Variants in RERG observed in about 807,000 individuals in gnomAD.
The protein encoded by RERG is ras-related and estrogen-regulated growth inhibitor.
A neutral mutation model predicts 23.2 loss-of-function variants in RERG; 25 were observed. The ratio of observed to expected loss-of-function variants is 1.08; its 90% CI spans 0.79 to 1.50. The LOEUF is 1.50. Among genes scored for constraint, RERG ranks in the 40% most tolerant of loss-of-function variants. The pLI is 0.00. For synonymous variants in RERG, 81 were observed against 89.1 expected, an observed-to-expected ratio of 0.91 and a Z score of 0.51; for missense variants, 253 against 250.1, an observed-to-expected ratio of 1.01 and a Z score of -0.08.
intron 2 of RERG, among the ~76,000 whole-genome samples, chr12:15,176,124 T>G (rs953927750): frequency 6.6e-6 from 1 of 152,240 alleles, no homozygotes; most frequent in East Asian, 1.9e-4. Context: ...ATTATAGAGG[T>G]AGAGGTCCTC....
intron 2 of RERG, among the ~76,000 whole-genome samples, chr12:15,191,903 C>A (rs1421497488): frequency 6.6e-6 from 1 of 152,152 alleles, no homozygotes; most frequent in African/African-American, 2.4e-5. Context: ...AGCCACAAAT[C>A]CCTAAGGCTA....
At chr12:15,179,369 C>G (rs944838804) in intron 2 of RERG, among the ~76,000 whole-genome samples, 1 of 152,214 alleles carries the variant, frequency 6.6e-6, no homozygotes, top group African/African-American at 2.4e-5. Context: ...AAACCCAGGG[C>G]TCTGCACTGC....
intron 2 of RERG, chr12:15,155,114 T>C (rs1195723559): frequency 2.0e-5 from 3 of 151,864 alleles, no homozygotes; most frequent in African/African-American, 7.3e-5. Context: ...AACAAGCAAT[T>C]AAAAAAAGGA....
intron 2 of RERG, among the ~76,000 whole-genome samples, chr12:15,184,540 A>G (rs1230649489): frequency 6.6e-6 from 1 of 152,180 alleles, no homozygotes; most frequent in African/African-American, 2.4e-5. Context: ...CTTACACTAC[A>G]TGATCAGGAT....
intron 2 of RERG, among the ~76,000 whole-genome samples, chr12:15,162,571 A>G (rs1241366152): frequency 6.6e-6 from 1 of 152,234 alleles, no homozygotes; most frequent in Non-Finnish European, 1.5e-5. Context: ...ATTGGTCAAA[A>G]CATAAATGGT....
At chr12:15,215,381 A>G (rs775019988) in intron 2 of RERG, among the ~76,000 whole-genome samples, 18 of 152,168 alleles carry the variant, frequency 1.2e-4, no homozygotes, top group Admixed American at 5.2e-4. Context: ...AAACCCATGA[A>G]AACAGCTAGT....
At chr12:15,126,726 T>C (rs1863951203) in intron 2 of RERG, among the ~76,000 whole-genome samples, 1 of 143,992 alleles carries the variant, frequency 6.9e-6, no homozygotes, top group Non-Finnish European at 1.5e-5. Context: ...TTTTCTTTCT[T>C]TTTTTTTTTT....
chr12:15,196,969 A>G (rs186521200), intron 2 of RERG, among the ~76,000 whole-genome samples: 23 of 152,248 alleles, frequency 1.5e-4, no homozygotes, highest in African/African-American at 5.5e-4. Context: ...CTATTCAATC[A>G]CAGGTCCTGG....
intron 2 of RERG, among the ~76,000 whole-genome samples, chr12:15,138,620 A>G (rs991784525): frequency 1.3e-5 from 2 of 151,922 alleles, no homozygotes; most frequent in Admixed American, 1.3e-4. Context: ...TCCAGTAGAG[A>G]CTTTGGCATA....
At chr12:15,216,206 G>A (rs1865438663) in intron 2 of RERG, among the ~76,000 whole-genome samples, 1 of 152,198 alleles carries the variant, frequency 6.6e-6, no homozygotes, top group South Asian at 2.1e-4. Flanking sequence ...GAAACACTGA[G>A]GAGATTAACA....
intron 2 of RERG, among the ~76,000 whole-genome samples, chr12:15,178,043 C>A (rs1864876453): frequency 6.6e-6 from 1 of 151,944 alleles, no homozygotes. Flanking sequence ...TAGATTGAAA[C>A]CCTTCCCTGG....
chr12:15,107,899 A>G lies in RERG; in HGVS notation c.*1211T>C, dbSNP rs761180423. The G allele has an allele frequency of 1.4e-4, 22 of 152,620 alleles. 1 individual carries two copies. Among genetic ancestry groups the G allele is most frequent in the Admixed American group, 9.2e-4 (14 of 15,282 alleles). The allele number at this position is 152,620 out of a possible 1,614,324, so 9.5% of individuals were successfully genotyped here. A position where few individuals can be genotyped will look rare whatever the true frequency, so the allele number is the denominator to read the frequency against. On this transcript the variant is annotated 3_prime_UTR_variant, in exon 5 of 5. Coordinates refer to ENST00000256953, the MANE Select transcript of RERG (RefSeq NM_032918.3). ...CGCTAACGCTTACAAATTTTTATAC[A>G]TATATCTATGCATTTATAAATACAT... is the stretch of plus-strand genomic sequence containing the variant.
intron 2 of RERG, among the ~76,000 whole-genome samples, chr12:15,133,146 GATATATATATATATAT>G (rs376565973): frequency 0.01 from 1,268 of 125,224 alleles, 58 homozygotes; most frequent in African/African-American, 0.039. Flanking sequence ...ATCCTGTGGA[GATATATATATATATAT>G]ATATATATAT....
At chr12:15,220,401 GTAT>G (rs1865497113) in intron 1 of RERG, among the ~76,000 whole-genome samples, 1 of 152,056 alleles carries the variant, frequency 6.6e-6, no homozygotes, top group Non-Finnish European at 1.5e-5. Context: ...CTAAAATCCT[GTAT>G]TATTAGTGAT....
chr12:15,187,239 T>G (rs1019024023), intron 2 of RERG, among the ~76,000 whole-genome samples: 2 of 152,092 alleles, frequency 1.3e-5, no homozygotes, highest in African/African-American at 4.8e-5. Context: ...GGCACAATGC[T>G]GAATACTAGT....
At chr12:15,161,193 A>T (rs973572984) in intron 2 of RERG, among the ~76,000 whole-genome samples, 4 of 150,448 alleles carry the variant, frequency 2.7e-5, no homozygotes, top group African/African-American at 9.8e-5. Context: ...AAAGAAAGAA[A>T]GAAAGAAAGA....
intron 2 of RERG, among the ~76,000 whole-genome samples, chr12:15,173,328 T>C (rs979007568): frequency 3.3e-5 from 5 of 152,008 alleles, no homozygotes; most frequent in African/African-American, 1.2e-4. Flanking sequence ...TTGATCTATA[T>C]ACCTATCCTT....
intron 2 of RERG, among the ~76,000 whole-genome samples, chr12:15,134,858 A>G (rs1864116379): frequency 6.6e-6 from 1 of 152,072 alleles, no homozygotes; most frequent in South Asian, 2.1e-4. Flanking sequence ...TGATCTGCCC[A>G]CCTCAGCTGC....
intron 3 of RERG, among the ~76,000 whole-genome samples, chr12:15,119,511 G>A (rs1565507890): frequency 2.0e-5 from 3 of 152,034 alleles, no homozygotes; most frequent in Admixed American, 2.0e-4. Flanking sequence ...GATAATCTAT[G>A]TAAAACTTAT....
Sources: allele counts gnomAD v4.1 joint callset (sites outside exome capture counted in the v4.1 genomes callset), GRCh38; gene constraint gnomAD v4.1.1; transcripts MANE v1.5; gene names NCBI Gene and HGNC (gene_info 2026-07-23, HGNC 2026-07-21).